Variants in PROSER3 observed in about 807,000 individuals in gnomAD.
PROSER3 encodes proline and serine rich 3.
PROSER3 carries 33 observed loss-of-function variants against 50.2 expected under a neutral mutation model. That is an observed-to-expected ratio of 0.66 (90% CI 0.50 to 0.88). PROSER3 has a LOEUF of 0.88. PROSER3 is among the 40% of genes least tolerant of loss of function. The probability of loss-of-function intolerance (pLI) is 0.00; values close to 1 mark genes in which losing one functional copy is unlikely to be tolerated. For synonymous variants in PROSER3, 266 were observed against 259.3 expected, an observed-to-expected ratio of 1.03 and a Z score of -0.25; for missense variants, 623 against 612.7, an observed-to-expected ratio of 1.02 and a Z score of -0.18.
chr19:35,761,977 C>T lies in PROSER3; in HGVS notation c.312-42C>T, dbSNP rs755979330. 3.9e-6 allele frequency: 6 copies of T among 1,534,930 alleles called. No homozygotes were observed. In the African/African-American group the frequency reaches 4.2e-5, roughly 11 times the overall value. ...TATAATTATTCTTATTATTATTTGG[C>T]TCTCCTCACTCCACTCACCTCCTAT... On this transcript the variant is annotated intron_variant, in intron 3 of 10. Transcript: ENST00000396908.
rs1458786363 is a variant in PROSER3 at position 35,768,180 on chromosome 19, CGATCCCG to C, written c.1246_1252del (p.Asp416CysfsTer5). On this transcript the variant is annotated frameshift_variant, in exon 10 of 11. Coordinates refer to ENST00000396908, the Ensembl canonical transcript of PROSER3. LOFTEE classifies it high-confidence loss of function. The stretch of plus-strand genomic sequence containing the variant: ...ACTCCGACGGCAGCGAGTTCCAGGA[CGATCCCG>C]TGCTGCAGGTGCTAAGAGCCCATAG... 3.1e-6 allele frequency: 5 copies of C among 1,613,498 alleles called. No individual in the cohort carries two copies. The highest frequency in any genetic ancestry group is 3.4e-6 in the Non-Finnish European group (4 of 1,179,718).
chr19:35,763,125 A>T (rs1057491679), intron 5 of PROSER3: 6 of 152,266 alleles, frequency 3.9e-5, no homozygotes, highest in African/African-American at 1.4e-4. Context: ...GAAATCCAAA[A>T]GTAGATGTTT....
downstream of PROSER3, chr19:35,770,883 T>C (rs1187730820): frequency 1.8e-5 from 2 of 113,932 alleles, no homozygotes; most frequent in African/African-American, 8.3e-5. Flanking sequence ...CTTTAGAGGC[T>C]ACATTAAAAA....
intron 7 of PROSER3, among the ~76,000 whole-genome samples, 157 bp from the exon 8 acceptor site, chr19:35,766,611 T>G (rs1211919826): frequency 6.6e-6 from 1 of 152,074 alleles, no homozygotes; most frequent in African/African-American, 2.4e-5. Context: ...CTTTGACCCC[T>G]TCCCCTCTTC....
At chr19:35,762,584 G>A (rs1599750002) in intron 5 of PROSER3, 1 of 513,142 alleles carries the variant, frequency 1.9e-6, no homozygotes, top group South Asian at 2.5e-5. Flanking sequence ...GAGAGAACCA[G>A]GTGTGGTGGT....
At chr19:35,758,297 G>A (rs1599743264) in intron 1 of PROSER3, 71 bp downstream of exon 1, 2 of 1,512,990 alleles carry the variant, frequency 1.3e-6, no homozygotes, top group East Asian at 2.6e-5. Context: ...GCACAGCCTA[G>A]GACGGGCTGG....
At chr19:35,767,128 C>T (rs1971174807) in intron 8 of PROSER3, 3 of 861,564 alleles carry the variant, frequency 3.5e-6, no homozygotes, top group African/African-American at 1.7e-5. Context: ...CTAACCATGT[C>T]CCACTGTGGA....
At chr19:35,759,757 CT>C in intron 2 of PROSER3, 31 bp from the exon 3 acceptor site, 1 of 1,538,332 alleles carries the variant, frequency 6.5e-7, no homozygotes, top group Non-Finnish European at 8.8e-7. Flanking sequence ...AGACCTCACA[CT>C]TTTTCTTCTT....
exon 11 of PROSER3, chr19:35,768,564 T>A: frequency 1.3e-6 from 2 of 1,546,682 alleles, no homozygotes; most frequent in Non-Finnish European, 1.7e-6. Context: ...GATTCTATTT[T>A]ACCCAGTGAG....
intron 10 of PROSER3, 34 bp downstream of exon 10, chr19:35,768,270 C>CTA (rs1568415614): frequency 6.3e-7 from 1 of 1,599,442 alleles, no homozygotes; most frequent in Non-Finnish European, 8.5e-7. Flanking sequence ...GTCTATGACA[C>CTA]TGGGCCCCGG....
intron 1 of PROSER3, 33 bp from the exon 2 acceptor site, chr19:35,759,341 A>G (rs1458343228): frequency 6.3e-7 from 1 of 1,588,906 alleles, no homozygotes; most frequent in East Asian, 2.2e-5. Context: ...CGGCGAAACC[A>G]CGTGCTGCCT....
At chr19:35,762,125 C>T in exon 4 of PROSER3, 2 of 1,601,698 alleles carry the variant, frequency 1.2e-6, no homozygotes, top group Non-Finnish European at 1.7e-6. Flanking sequence ...CTCTCCAGAC[C>T]CCAGCAGTCA....
intron 7 of PROSER3, among the ~76,000 whole-genome samples, chr19:35,765,926 G>A (rs1048646578): frequency 6.6e-6 from 1 of 152,196 alleles, no homozygotes; most frequent in Non-Finnish European, 1.5e-5. Flanking sequence ...GATACATGAA[G>A]GAAGAGCATT....
At chr19:35,763,209 C>CT (rs968660594) in intron 5 of PROSER3, among the ~76,000 whole-genome samples, 1,494 of 147,908 alleles carry the variant, frequency 0.01, 22 homozygotes, top group African/African-American at 0.035. Flanking sequence ...CATGCCCCCC[C>CT]TTTTTTTTTT....
rs925046688 is a variant in PROSER3 at position 35,759,490 on chromosome 19, A to T, written c.108+20A>T. On this transcript the variant is annotated intron_variant, in intron 2 of 10. Coordinates refer to ENST00000396908, the Ensembl canonical transcript of PROSER3. ...CCCAAGGTGAGGACACCCCTCAAAGAGTGCTGAGTGCCAGCCCAGTAGCAA... is the reference window on the plus strand; with the variant it reads ...CCCAAGGTGAGGACACCCCTCAAAGTGTGCTGAGTGCCAGCCCAGTAGCAA... 25 of 1,588,892 alleles carry T rather than the reference A, an allele frequency of 1.6e-5. No individual in the cohort carries two copies. Among genetic ancestry groups the T allele is most frequent in the Non-Finnish European group, 2.0e-5 (23 of 1,161,096 alleles).
intron 5 of PROSER3, among the ~76,000 whole-genome samples, chr19:35,763,526 C>T (rs112500848): frequency 0.17 from 19,067 of 111,834 alleles, 1,468 homozygotes; most frequent in Middle Eastern, 0.46. Flanking sequence ...TTTTTTGAGA[C>T]GGAGTCTTGT....
chr19:35,766,950 ACGTTGGTGAGC>A lies in PROSER3; in HGVS notation c.955_957+8del. The A allele has an allele frequency of 6.5e-7, 1 of 1,550,268 alleles. No individual in the cohort carries two copies. The highest frequency in any genetic ancestry group is 1.2e-5 in the South Asian group (1 of 84,058). ...GCCGCCTCTGACCCCTGCCCTCCGC[ACGTTGGTGAGC>A]CGAGGGAGGGAGGAGCCTGGGGGGA... is the stretch of plus-strand genomic sequence containing the variant. On this transcript the variant is annotated splice_donor_variant and splice_donor_5th_base_variant and coding_sequence_variant and intron_variant, in exon 8 of 11. Coordinates refer to ENST00000396908, the Ensembl canonical transcript of PROSER3. LOFTEE classifies it high-confidence loss of function.
exon 11 of PROSER3, chr19:35,768,453 G>A (rs749807652): frequency 1.3e-6 from 2 of 1,598,054 alleles, no homozygotes; most frequent in African/African-American, 1.3e-5. Flanking sequence ...TGAAGACCTG[G>A]GATCTTGGTC....
intron 5 of PROSER3, among the ~76,000 whole-genome samples, chr19:35,764,240 G>T (rs1971062124): frequency 6.6e-6 from 1 of 152,160 alleles, no homozygotes; most frequent in African/African-American, 2.4e-5. Flanking sequence ...GAAGCCCCAG[G>T]GCTCACTGTG....
Sources: gnomAD v4.1 joint callset for allele counts (sites outside exome capture counted in the v4.1 genomes callset) on GRCh38, gnomAD v4.1.1 for gene constraint, MANE v1.5 for transcripts, NCBI Gene and HGNC (gene_info 2026-07-23, HGNC 2026-07-21) for gene names.